Variants in GEMIN8 observed in about 807,000 individuals in gnomAD.
The protein encoded by GEMIN8 is gem-associated protein 8.
For synonymous variants in GEMIN8, 80 were observed against 78.5 expected (o/e 1.02, Z -0.10); for missense variants, 185 against 205.9 (o/e 0.90, Z 0.62).
the GEMIN8 span, among the ~76,000 whole-genome samples, chrX:13,995,935 C>T: frequency 8.9e-6 from 1 of 111,838 alleles, no homozygotes; most frequent in Non-Finnish European, 1.9e-5. Flanking sequence ...CAAGGACCCA[C>T]GTAGGTCAAC....
In GEMIN8 at chrX:14,008,368, G is replaced by A. The variant is rs971726679; in HGVS notation, c.*545C>T. On this transcript the variant is annotated 3_prime_UTR_variant, in exon 5 of 5. Coordinates refer to ENST00000680255, the MANE Select transcript of GEMIN8 (RefSeq NM_001042479.2). Reference sequence around the variant, plus strand: ...GCTGCTTTCACACTACAAAGGGAGGGTTGAGTAGTCACAACACTGACCGTG... The same window carrying A: ...GCTGCTTTCACACTACAAAGGGAGGATTGAGTAGTCACAACACTGACCGTG... 8.8e-6 allele frequency: 1 copy of A among 113,171 alleles called. No individual in the cohort carries two copies. The highest frequency in any genetic ancestry group is 3.3e-5 in the African/African-American group (1 of 30,730). The allele number at this position is 113,171 out of a possible 1,213,427, so 9.3% of individuals were successfully genotyped here. A position where few individuals can be genotyped will look rare whatever the true frequency, so the allele number is the denominator to read the frequency against.
At chrX:13,996,293 TAA>T in the GEMIN8 span, among the ~76,000 whole-genome samples, 28,271 of 110,986 alleles carry the variant, frequency 0.25, 2,773 homozygotes, top group Non-Finnish European at 0.3. Flanking sequence ...CTCAAAGTCA[TAA>T]GACAAGGGCT....
chrX:14,001,965 A>G (rs980580312), downstream of GEMIN8, among the ~76,000 whole-genome samples: 1 of 108,750 alleles, frequency 9.2e-6, no homozygotes, highest in African/African-American at 3.3e-5. Context: ...TGTACTAAAC[A>G]TACAAAAAAG....
intron 2 of GEMIN8, among the ~76,000 whole-genome samples, chrX:14,022,147 A>ATTT (rs779265673): frequency 0.01 from 1,088 of 106,649 alleles, 5 homozygotes; most frequent in Non-Finnish European, 0.017. Flanking sequence ...ACTAATCCTT[A>ATTT]ACTCATGCTA....
intron 1 of GEMIN8, among the ~76,000 whole-genome samples, chrX:14,027,809 G>A (rs17215777): frequency 0.094 from 10,502 of 111,790 alleles, 519 homozygotes; most frequent in Middle Eastern, 0.15. Context: ...ATGAGGCCAG[G>A]AACAAAGTTA....
At chrX:14,012,856 A>AG (rs1923651739) in intron 4 of GEMIN8, among the ~76,000 whole-genome samples, 3 of 92,504 alleles carry the variant, frequency 3.2e-5, no homozygotes, top group Non-Finnish European at 6.7e-5. Context: ...CAGAGGGGCT[A>AG]TGGGGGGGGG....
the GEMIN8 span, among the ~76,000 whole-genome samples, chrX:13,989,611 T>C: frequency 8.9e-6 from 1 of 112,554 alleles, no homozygotes; most frequent in Non-Finnish European, 1.9e-5. Context: ...TCCTGGCCCT[T>C]AGGCCAGATT....
chrX:13,991,105 T>C, the GEMIN8 span, among the ~76,000 whole-genome samples: 2 of 112,492 alleles, frequency 1.8e-5, no homozygotes. Flanking sequence ...ACTCCTTTTC[T>C]TGGCTGTACT....
At chrX:14,026,258 G>A (rs1338914884) in intron 1 of GEMIN8, 37 bp from the exon 2 acceptor site, 2 of 749,796 alleles carry the variant, frequency 2.7e-6, no homozygotes, top group African/African-American at 2.3e-5. Context: ...AGGGAAGGCC[G>A]GGATCCGCAG....
intron 4 of GEMIN8, among the ~76,000 whole-genome samples, chrX:14,017,589 C>T (rs1924018271): frequency 8.9e-6 from 1 of 112,043 alleles, no homozygotes; most frequent in Admixed American, 9.4e-5. Context: ...CAGAAGTCTG[C>T]AATCGAGGTG....
At chrX:14,026,925 A>G (rs1314167467) in intron 1 of GEMIN8, 3 of 112,387 alleles carry the variant, frequency 2.7e-5, no homozygotes, top group African/African-American at 9.7e-5. Context: ...CTGAAAGTCA[A>G]ACCTTCCCTA....
chrX:14,021,401 A>G (rs1253837687), intron 3 of GEMIN8, 63 bp downstream of exon 3: 1 of 659,590 alleles, frequency 1.5e-6, no homozygotes, highest in African/African-American at 2.3e-5. Context: ...ATAAAAAAAA[A>G]GACTAAAGTT....
the GEMIN8 span, among the ~76,000 whole-genome samples, chrX:13,994,604 TC>T: frequency 5.8e-3 from 657 of 112,404 alleles, 10 homozygotes; most frequent in East Asian, 0.096. Flanking sequence ...AAAGAACAGT[TC>T]CAGTAGCATT....
chrX:13,989,811 G>A, the GEMIN8 span, among the ~76,000 whole-genome samples: 5 of 112,658 alleles, frequency 4.4e-5, no homozygotes, highest in African/African-American at 1.6e-4. Context: ...AGATTTAGAG[G>A]AGTACTTGAG....
intron 4 of GEMIN8, among the ~76,000 whole-genome samples, chrX:14,016,718 G>A (rs1477699706): frequency 9.6e-6 from 1 of 104,102 alleles, no homozygotes; most frequent in Non-Finnish European, 2.0e-5. Flanking sequence ...GGTGGTTGGC[G>A]CCTGAAATCC....
the GEMIN8 span, among the ~76,000 whole-genome samples, chrX:14,001,567 C>A: frequency 9.0e-6 from 1 of 111,477 alleles, no homozygotes; most frequent in African/African-American, 3.3e-5. Flanking sequence ...TGTCGCCAGG[C>A]TAGAGTGCAG....
the GEMIN8 span, among the ~76,000 whole-genome samples, chrX:13,989,397 C>G: frequency 8.9e-6 from 1 of 111,823 alleles, no homozygotes; most frequent in African/African-American, 3.2e-5. Context: ...GCCACTGTGC[C>G]CAGCAAAGAC....
chrX:14,014,585 G>C (rs1923788269), intron 4 of GEMIN8: 3 of 682,919 alleles, frequency 4.4e-6, no homozygotes, highest in Non-Finnish European at 5.2e-6. Context: ...CTCAATCACT[G>C]CAATTTCATC....
At chrX:14,021,433 CA>C (rs371306663) in intron 3 of GEMIN8, 30 bp downstream of exon 3, 2,490 of 770,904 alleles carry the variant, frequency 3.2e-3, no homozygotes, top group Non-Finnish European at 3.8e-3. Flanking sequence ...CTTACGAGCT[CA>C]AAAAAAAAAT....
Sources: gnomAD v4.1 joint callset for allele counts (sites outside exome capture counted in the v4.1 genomes callset) on GRCh38, gnomAD v4.1.1 for gene constraint, MANE v1.5 for transcripts, NCBI Gene and HGNC (gene_info 2026-07-23, HGNC 2026-07-21) for gene names.